WDR45B: variants seen among roughly 807,000 people sequenced by gnomAD.
WDR45B encodes the protein WD repeat domain phosphoinositide-interacting protein 3.
WDR45B carries 20 observed loss-of-function variants against 44.6 expected under a neutral mutation model. The observed-to-expected ratio is 0.45, with a 90% confidence interval of 0.32 to 0.65. The LOEUF (loss-of-function observed/expected upper bound fraction) is 0.65, where lower values mean the gene tolerates loss of function less well. Ranked by LOEUF, WDR45B falls within the 30% of genes least tolerant of loss-of-function variation. WDR45B has a pLI of 0.05. For missense variants in WDR45B, 323 were observed against 430.2 expected (o/e 0.75, Z 2.20); for synonymous variants, 169 against 164.9 (o/e 1.02, Z -0.19).
Position 82,629,520 on chromosome 17 carries a change from CACAG to C in WDR45B, c.244+1397_244+1400del, listed in dbSNP as rs2045741389. 4.1e-6 allele frequency: 4 copies of C among 985,380 alleles called. No homozygotes were observed. The Admixed American group carries it at 2.5e-4, about 61-fold the overall frequency. The allele number at this position is 985,380 out of a possible 1,614,324, so 61.0% of individuals were successfully genotyped here. A position where few individuals can be genotyped will look rare whatever the true frequency, so the allele number is the denominator to read the frequency against. On this transcript the variant is annotated intron_variant, in intron 3 of 9. Coordinates refer to ENST00000392325, the MANE Select transcript of WDR45B (RefSeq NM_019613.4). The stretch of plus-strand genomic sequence containing the variant: ...ACTCTCAACTCTGCTTTAAAGCTGG[CACAG>C]ACAAACCTTGTGAGATTACAGAACC...
chr17:82,620,896 C>G (rs980107353), intron 6 of WDR45B, among the ~76,000 whole-genome samples: 3 of 152,132 alleles, frequency 2.0e-5, no homozygotes, highest in Non-Finnish European at 4.4e-5. Flanking sequence ...AATGAAGACA[C>G]GTTACTAAGC....
At chr17:82,630,432 T>C (rs570158929) in intron 3 of WDR45B, among the ~76,000 whole-genome samples, 1 of 152,192 alleles carries the variant, frequency 6.6e-6, no homozygotes, top group Admixed American at 6.6e-5. Flanking sequence ...TCAGGAAAGC[T>C]ATCTACTCCT....
rs527890633 is a variant in WDR45B, at chr17:82,622,841, A to G, written c.428-1042T>C. 4.6e-5 allele frequency among the ~76,000 whole-genome samples: 7 copies of G among 152,302 alleles called. No homozygotes were observed. In the South Asian group the frequency reaches 1.2e-3, roughly 27 times the overall value. ...GGGATAAAGACAGAAACACAGATCA[A>G]TGGAAGAGAACAAAAAGTCCAGAAA... On this transcript the variant is annotated intron_variant, in intron 5 of 9. Transcript: ENST00000392325.
At chr17:82,642,565 CCAGT>C (rs1479720871) in intron 2 of WDR45B, among the ~76,000 whole-genome samples, 3 of 152,164 alleles carry the variant, frequency 2.0e-5, no homozygotes, top group African/African-American at 7.2e-5. Context: ...CAACTTGAAG[CCAGT>C]CAGTCTGAAG....
At chr17:82,632,348 G>C (rs1461597221) in intron 2 of WDR45B, among the ~76,000 whole-genome samples, 1 of 151,978 alleles carries the variant, frequency 6.6e-6, no homozygotes, top group Non-Finnish European at 1.5e-5. Flanking sequence ...AAAAGTTTTT[G>C]TAGAGGCGAG....
chr17:82,643,980 G>A lies in WDR45B; in HGVS notation c.111C>T (p.Asn37=). The change falls in exon 2 of 10, where the codon AAC becomes AAT. Residue 37 remains asparagine (N), a synonymous_variant. Transcript: ENST00000392325. ...TCTCTTTTTCTTTTAGTGGATCAGT[G>A]TTATAGACTCGGAATCCATTTTCCA... ...CGMENGFRVY[N]TDPLKEKEKQ... 6.2e-7 allele frequency: 1 copy of A among 1,614,138 alleles called. No individual in the cohort carries two copies. Among genetic ancestry groups the A allele is most frequent in the Non-Finnish European group, 8.5e-7 (1 of 1,180,020 alleles).
chr17:82,623,750 C>T (rs535892294), intron 5 of WDR45B, among the ~76,000 whole-genome samples: 10 of 151,596 alleles, frequency 6.6e-5, no homozygotes, highest in African/African-American at 2.2e-4. Context: ...GATAAACAAC[C>T]GGCTAAAAAA....
At chr17:82,631,558 T>C (rs1454127129) in intron 2 of WDR45B, among the ~76,000 whole-genome samples, 1 of 144,014 alleles carries the variant, frequency 6.9e-6, no homozygotes, top group Non-Finnish European at 1.5e-5. Flanking sequence ...ATGCTGGGAC[T>C]ACAGACATGA....
intron 2 of WDR45B, among the ~76,000 whole-genome samples, chr17:82,639,378 G>A (rs566830867): frequency 6.6e-6 from 1 of 151,952 alleles, no homozygotes; most frequent in East Asian, 1.9e-4. Context: ...TTGGTATACA[G>A]GCACCAAACA....
rs1164173113 is a variant in WDR45B, at chr17:82,648,344, G to A, written c.-4C>T. ...GGTTACACGGCAGGAGGTTCATGGC[G>A]CCGCCGTGCTGGGTCGCCGCTCCTC... On this transcript the variant is annotated 5_prime_UTR_variant, in exon 1 of 10. Coordinates refer to ENST00000392325, the MANE Select transcript of WDR45B (RefSeq NM_019613.4). 2.5e-6 allele frequency: 4 copies of A among 1,605,458 alleles called. No homozygotes were observed. The South Asian group carries it at 3.3e-5, about 13-fold the overall frequency.
chr17:82,644,442 C>T (rs371326767), intron 1 of WDR45B: 8 of 231,278 alleles, frequency 3.5e-5, no homozygotes, highest in South Asian at 1.2e-4. Context: ...CTCCAGGAAC[C>T]GGGAAGGTGA....
chr17:82,633,181 AC>A (rs1295418353), intron 2 of WDR45B, among the ~76,000 whole-genome samples: 2 of 138,036 alleles, frequency 1.4e-5, no homozygotes, highest in African/African-American at 5.4e-5. Flanking sequence ...AAAAAAAAAA[AC>A]CAGCACGGGC....
At chr17:82,626,967 G>A (rs1180015689) in intron 4 of WDR45B, 10 of 560,042 alleles carry the variant, frequency 1.8e-5, no homozygotes, top group East Asian at 1.3e-4. Context: ...CCACTGTGGC[G>A]CACGTCATCC....
intron 3 of WDR45B, chr17:82,629,932 G>A (rs973720459): frequency 6.4e-5 from 63 of 984,786 alleles, no homozygotes; most frequent in Non-Finnish European, 7.5e-5. Flanking sequence ...ATTCTGAACT[G>A]CCTCCCTCAC....
intron 3 of WDR45B, among the ~76,000 whole-genome samples, chr17:82,629,044 C>A (rs914343396): frequency 6.6e-6 from 1 of 152,110 alleles, no homozygotes; most frequent in African/African-American, 2.4e-5. Context: ...AAAAAAAGTA[C>A]CTTTAAACGC....
Position 82,630,688 on chromosome 17 carries a change from A to C in WDR45B, c.244+233T>G, listed in dbSNP as rs565964533. 2.0e-5 allele frequency among the ~76,000 whole-genome samples: 3 copies of C among 152,306 alleles called. No individual in the cohort carries two copies. The South Asian group carries it at 6.2e-4, about 32-fold the overall frequency. On this transcript the variant is annotated intron_variant, in intron 3 of 9. Transcript: ENST00000392325. The stretch of plus-strand genomic sequence containing the variant: ...GGTGCAGCAGGCCCGTTTTCCGTTT[A>C]CTGACTGAAACGCACGTGTTCTATG...
At chr17:82,632,917 T>C (rs1026338813) in intron 2 of WDR45B, among the ~76,000 whole-genome samples, 2 of 151,966 alleles carry the variant, frequency 1.3e-5, no homozygotes. Context: ...GCCTGTAATC[T>C]CAGCACTTTG....
chr17:82,624,697 C>T (rs865964152), intron 5 of WDR45B, among the ~76,000 whole-genome samples: 4 of 151,420 alleles, frequency 2.6e-5, no homozygotes, highest in African/African-American at 2.4e-5. Context: ...CGGCTCACTG[C>T]GACCTCTACC....
At chr17:82,641,313 A>G (rs868233810) in intron 2 of WDR45B, among the ~76,000 whole-genome samples, 1 of 152,212 alleles carries the variant, frequency 6.6e-6, no homozygotes, top group Non-Finnish European at 1.5e-5. Context: ...TAAACACTTC[A>G]TTAATTAGGA....
Sources: gnomAD v4.1 joint callset for allele counts (sites outside exome capture counted in the v4.1 genomes callset) on GRCh38, gnomAD v4.1.1 for gene constraint, MANE v1.5 for transcripts, NCBI Gene and HGNC (gene_info 2026-07-23, HGNC 2026-07-21) for gene names.